Variants in DIMT1 observed in about 807,000 individuals in gnomAD.
DIMT1 encodes the protein dimethyladenosine transferase.
Under a neutral mutation model 43.2 loss-of-function variants are expected in DIMT1, and 36 were observed. That is an observed-to-expected ratio of 0.83 (90% CI 0.64 to 1.10). The LOEUF (loss-of-function observed/expected upper bound fraction) is 1.10. Among genes scored for constraint, DIMT1 ranks in the 50% least tolerant of loss-of-function variants. DIMT1 has a pLI of 0.00. For missense variants in DIMT1, 341 were observed against 385.3 expected, an observed-to-expected ratio of 0.88 and a Z score of 0.96; for synonymous variants, 126 against 130.3, an observed-to-expected ratio of 0.97 and a Z score of 0.22.
Position 62,398,813 on chromosome 5 carries a change from T to C in DIMT1, c.302+7A>G. 1 of 1,614,060 alleles carries C rather than the reference T, an allele frequency of 6.2e-7. No homozygotes were observed. Among genetic ancestry groups the C allele is most frequent in the Non-Finnish European group, 8.5e-7 (1 of 1,179,906 alleles). ...AAATGCACTTTAATTCTATTATGTA[T>C]ACTCACGTGCCCTGAACTCTTTTGT... On this transcript the variant is annotated splice_region_variant and intron_variant, in intron 4 of 11. Coordinates refer to ENST00000199320, the MANE Select transcript of DIMT1 (RefSeq NM_014473.4).
intron 6 of DIMT1, 138 bp downstream of exon 6, chr5:62,398,373 A>G (rs1437562024): frequency 3.8e-6 from 3 of 793,234 alleles, no homozygotes; most frequent in Non-Finnish European, 6.3e-6. Context: ...AGAGAGAAAG[A>G]CCTCCATACA....
rs27089 is a variant in DIMT1, at chr5:62,402,032, C to T, written c.240+4G>A. ...TGATACCAAACATTAAATCCCCTTT[C>T]TACCTTTTTTGCCTTTTCTAACAAC... On this transcript the variant is annotated splice_donor_region_variant and intron_variant, in intron 3 of 11. Transcript: ENST00000199320. 0.51 allele frequency: 825,255 copies of T among 1,610,768 alleles called. 213,011 individuals are homozygous for T. The highest frequency in any genetic ancestry group is 0.65 in the East Asian group (29,329 of 44,786).
At chr5:62,402,422 C>A (rs1009052040) in intron 2 of DIMT1, among the ~76,000 whole-genome samples, 2 of 152,208 alleles carry the variant, frequency 1.3e-5, no homozygotes, top group Non-Finnish European at 2.9e-5. Flanking sequence ...CCAATAGCCT[C>A]TTGTTACCTT....
At chr5:62,393,183 C>T (rs1030672927) in intron 8 of DIMT1, among the ~76,000 whole-genome samples, 193 bp from the exon 9 acceptor site, 5 of 152,060 alleles carry the variant, frequency 3.3e-5, no homozygotes, top group South Asian at 4.2e-4. Flanking sequence ...TGCACTTTGG[C>T]GCATTTCACT....
At position 62,392,168 on chromosome 5, in the gene DIMT1, T is replaced by TA. The variant is rs1331843834; in HGVS notation, c.792+2dup. 3 of 1,612,240 alleles carry TA rather than the reference T, an allele frequency of 1.9e-6. No homozygotes were observed. Among genetic ancestry groups the TA allele is most frequent in the African/African-American group, 1.3e-5 (1 of 74,876 alleles). On this transcript the variant is annotated splice_region_variant and intron_variant, in intron 10 of 11. Coordinates refer to ENST00000199320, the MANE Select transcript of DIMT1 (RefSeq NM_014473.4). The stretch of plus-strand genomic sequence containing the variant: ...GAAACTGCAGGAACATTTTCTAACT[T>TA]ACAATATTATGGACTGAACAGTGAA...
Position 62,394,705 on chromosome 5 carries a change from A to T in DIMT1, c.447-98T>A, listed in dbSNP as rs144963906. 5.1e-3 allele frequency: 7,754 copies of T among 1,532,652 alleles called. 79 individuals carry two copies. In the Middle Eastern group the frequency reaches 0.052, roughly 10 times the overall value. The allele number at this position is 1,532,652 out of a possible 1,614,324, so 94.9% of individuals were successfully genotyped here. A position where few individuals can be genotyped will look rare whatever the true frequency, so the allele number is the denominator to read the frequency against. ...TTTCTTGGGAGAGAAATAGCAAAGC[A>T]TTGGCAGCTGATTATAAGGTAGGAG... On this transcript the variant is annotated intron_variant, in intron 6 of 11. Coordinates refer to ENST00000199320, the MANE Select transcript of DIMT1 (RefSeq NM_014473.4).
In DIMT1 at chr5:62,401,174, A is replaced by G. The variant is rs183088375; in HGVS notation, c.240+862T>C. Among the ~76,000 whole-genome samples, 233 of 151,980 alleles carry G rather than the reference A, an allele frequency of 1.5e-3. 1 individual carries two copies. The highest frequency in any genetic ancestry group is 5.4e-3 in the African/African-American group (226 of 41,484). ...ACCAGCATTATAGGGTACAAAGGGG[A>G]GGCGTTGGGTATTTCCTTCCTAATT... On this transcript the variant is annotated intron_variant, in intron 3 of 11. Transcript: ENST00000199320.
At position 62,403,871 on chromosome 5, in the gene DIMT1, C is replaced by G. The variant is rs1449651226; in HGVS notation, c.-99G>C. ...CGTGGGGATCGCCGCCACGCGCCGC[C>G]CGCACCACTCTGGCCCAAGCGCCGG... On this transcript the variant is annotated 5_prime_UTR_variant, in exon 1 of 12. Transcript: ENST00000199320. 1.5e-5 allele frequency: 20 copies of G among 1,309,054 alleles called. No homozygotes were observed. The highest frequency in any genetic ancestry group is 2.1e-5 in the Non-Finnish European group (20 of 946,414). The allele number at this position is 1,309,054 out of a possible 1,614,324, so 81.1% of individuals were successfully genotyped here. A position where few individuals can be genotyped will look rare whatever the true frequency, so the allele number is the denominator to read the frequency against.
At chr5:62,401,178 G>A (rs1290154228) in intron 3 of DIMT1, among the ~76,000 whole-genome samples, 2 of 152,102 alleles carry the variant, frequency 1.3e-5, no homozygotes, top group African/African-American at 4.8e-5. Flanking sequence ...AAGGGGAGGC[G>A]TTGGGTATTT....
chr5:62,388,999 T>C lies in DIMT1; in HGVS notation c.*11A>G. On this transcript the variant is annotated 3_prime_UTR_variant, in exon 12 of 12. Transcript: ENST00000199320. ...TTTTCTTGACCTTGAAAATTTCTGT[T>C]TTCCAAATACCTAGGAAAAATGAAT... 1.2e-6 allele frequency: 2 copies of C among 1,604,764 alleles called. No homozygotes were observed. The highest frequency in any genetic ancestry group is 1.1e-5 in the South Asian group (1 of 89,536).
intron 6 of DIMT1, among the ~76,000 whole-genome samples, chr5:62,395,681 C>T (rs1742460301): frequency 6.6e-6 from 1 of 152,052 alleles, no homozygotes. Flanking sequence ...TAGAAAGTGA[C>T]TTCAAAGTTC....
At chr5:62,398,139 T>C (rs1742565224) in intron 6 of DIMT1, among the ~76,000 whole-genome samples, 1 of 152,042 alleles carries the variant, frequency 6.6e-6, no homozygotes, top group Admixed American at 6.6e-5. Context: ...GCAAAAAAAT[T>C]TTGAAATCCA....
chr5:62,403,036 C>A (rs1022666018), intron 2 of DIMT1, among the ~76,000 whole-genome samples: 7 of 152,132 alleles, frequency 4.6e-5, no homozygotes, highest in African/African-American at 1.7e-4. Flanking sequence ...AAAGGTCCAG[C>A]TATAAAGTAG....
rs763282145 is a variant in DIMT1, at chr5:62,394,599, A to G, written c.455T>C (p.Ile152Thr). Residue 152 changes from isoleucine to threonine, a missense_variant, in exon 7 of 12, where the codon ATA (isoleucine) becomes ACA (threonine). Coordinates refer to ENST00000199320, the MANE Select transcript of DIMT1 (RefSeq NM_014473.4). ...LLHRPFFRCA[I>T]LMFQREFALR... is the part of the protein sequence containing the mutation. ...GGCAAATTCTCTTTGAAACATAAGT[A>G]TAGCACACCTGAAAAGAAAGCAGAA... 1 of 1,614,202 alleles carries G rather than the reference A, an allele frequency of 6.2e-7. No homozygotes were observed.
Position 62,387,938 on chromosome 5 carries a change from A to T in DIMT1, c.*1072T>A, listed in dbSNP as rs895997005. 7.9e-5 allele frequency: 12 copies of T among 151,968 alleles called. No homozygotes were observed. The highest frequency in any genetic ancestry group is 1.6e-4 in the Non-Finnish European group (11 of 67,984). 9.4% of individuals were successfully genotyped at this position (151,968 alleles called of 1,614,324 possible). A position where few individuals can be genotyped will look rare whatever the true frequency, so the allele number is the denominator to read the frequency against. On this transcript the variant is annotated 3_prime_UTR_variant, in exon 12 of 12. Coordinates refer to ENST00000199320, the MANE Select transcript of DIMT1 (RefSeq NM_014473.4). ...ACACTCTTCTATTAAGTTAGGTATTAAAAAAAGCCAAATATCAATAAAGAT... is the reference window on the plus strand; with the variant it reads ...ACACTCTTCTATTAAGTTAGGTATTTAAAAAAGCCAAATATCAATAAAGAT...
intron 6 of DIMT1, among the ~76,000 whole-genome samples, chr5:62,398,276 G>A (rs193104325): frequency 1.1e-4 from 17 of 152,176 alleles, no homozygotes; most frequent in East Asian, 1.9e-4. Context: ...TAGACTTAAC[G>A]GCAGGAAGAT....
chr5:62,394,705 A>G, intron 6 of DIMT1, 98 bp from the exon 7 acceptor site: 1 of 1,532,690 alleles, frequency 6.5e-7, no homozygotes, highest in Non-Finnish European at 8.9e-7. Flanking sequence ...ATAGCAAAGC[A>G]TTGGCAGCTG....
At chr5:62,391,988 G>T in intron 10 of DIMT1, 183 bp downstream of exon 10, 2 of 1,541,442 alleles carry the variant, frequency 1.3e-6, no homozygotes, top group Non-Finnish European at 8.7e-7. Flanking sequence ...TGTTTCACAG[G>T]ATACACAGCA....
intron 10 of DIMT1, chr5:62,391,714 A>G (rs35015): frequency 0.24 from 317,452 of 1,299,590 alleles, 39,530 homozygotes; most frequent in East Asian, 0.26. Flanking sequence ...TCACAACCAG[A>G]AATCTGCTAT....
Sources: allele counts gnomAD v4.1 joint callset (sites outside exome capture counted in the v4.1 genomes callset), GRCh38; gene constraint gnomAD v4.1.1; transcripts MANE v1.5; gene names NCBI Gene and HGNC (gene_info 2026-07-23, HGNC 2026-07-21).